The following SLC24A2 variants were observed in gnomAD, a reference collection of about 807,000 sequenced individuals.
SLC24A2 encodes the protein sodium/potassium/calcium exchanger 2.
Under a neutral mutation model 62.0 loss-of-function variants are expected in SLC24A2, and 36 were observed. That is an observed-to-expected ratio of 0.58 (90% confidence interval 0.44 to 0.77). The LOEUF (loss-of-function observed/expected upper bound fraction) is 0.77. Ranked by LOEUF, SLC24A2 falls within the 30% of genes least tolerant of loss-of-function variation. SLC24A2 has a pLI of 0.00. For synonymous variants in SLC24A2, 358 were observed against 294.0 expected, an observed-to-expected ratio of 1.22 and a Z score of -2.23; for missense variants, 846 against 817.9, an observed-to-expected ratio of 1.03 and a Z score of -0.42.
At chr9:19,974,861 G>A in the SLC24A2 span, among the ~76,000 whole-genome samples, 32 of 152,266 alleles carry the variant, frequency 2.1e-4, no homozygotes, top group African/African-American at 4.1e-4. Context: ...ATATTATTTC[G>A]TAGGATGCTT....
chr9:19,826,462 A>G, the SLC24A2 span, among the ~76,000 whole-genome samples: 1 of 152,186 alleles, frequency 6.6e-6, no homozygotes. Flanking sequence ...TGCCACAAAA[A>G]AATACCCAAG....
chr9:20,105,891 A>C, the SLC24A2 span, among the ~76,000 whole-genome samples: 1 of 152,206 alleles, frequency 6.6e-6, no homozygotes, highest in Admixed American at 6.5e-5. Context: ...ATCCTTCAAA[A>C]AATTAATGAA....
the SLC24A2 span, among the ~76,000 whole-genome samples, chr9:20,058,283 G>C: frequency 6.6e-6 from 1 of 152,208 alleles, no homozygotes; most frequent in African/African-American, 2.4e-5. Context: ...CACAAATAAA[G>C]ATGAACCAAC....
intron 2 of SLC24A2, among the ~76,000 whole-genome samples, chr9:19,719,638 T>C (rs1371623516): frequency 6.6e-6 from 1 of 152,350 alleles, no homozygotes; most frequent in East Asian, 1.9e-4. Flanking sequence ...TAGGAATTTA[T>C]GGAAAGTTTC....
chr9:19,688,913 A>G (rs2118448770), intron 2 of SLC24A2, among the ~76,000 whole-genome samples: 1 of 152,240 alleles, frequency 6.6e-6, no homozygotes, highest in African/African-American at 2.4e-5. Flanking sequence ...TGAGTACACA[A>G]TATATATTAC....
At chr9:19,521,451 A>AACTT (rs1320832404) in intron 9 of SLC24A2, among the ~76,000 whole-genome samples, 1 of 152,200 alleles carries the variant, frequency 6.6e-6, no homozygotes, top group Non-Finnish European at 1.5e-5. Context: ...TTTGCCCTTC[A>AACTT]ACTTACTACC....
intron 2 of SLC24A2, among the ~76,000 whole-genome samples, chr9:19,765,334 C>A (rs1378756096): frequency 6.6e-6 from 1 of 152,078 alleles, no homozygotes; most frequent in African/African-American, 2.4e-5. Flanking sequence ...TCTGATCCTG[C>A]CATTATGATG....
At chr9:19,787,867 C>T (rs964877478) in intron 1 of SLC24A2, among the ~76,000 whole-genome samples, 1 of 152,124 alleles carries the variant, frequency 6.6e-6, no homozygotes, top group Non-Finnish European at 1.5e-5. Flanking sequence ...CAAGTTGTAG[C>T]AATACCTCTG....
intron 2 of SLC24A2, among the ~76,000 whole-genome samples, chr9:19,708,374 A>G (rs1587192641): frequency 2.0e-5 from 3 of 152,262 alleles, no homozygotes; most frequent in Non-Finnish European, 4.4e-5. Flanking sequence ...CAAGCTACCA[A>G]TGACTTTCTT....
intron 8 of SLC24A2, among the ~76,000 whole-genome samples, chr9:19,542,324 T>C (rs1237055649): frequency 6.6e-6 from 1 of 152,224 alleles, no homozygotes; most frequent in African/African-American, 2.4e-5. Flanking sequence ...GCTTATCAGC[T>C]TAAGGAGATT....
chr9:20,155,130 G>GAAAAAA, the SLC24A2 span, among the ~76,000 whole-genome samples: 4 of 112,526 alleles, frequency 3.6e-5, no homozygotes, highest in Admixed American at 1.0e-4. Context: ...TGCCCAACTG[G>GAAAAAA]AAAAAAAAAA....
chr9:19,868,631 C>A, the SLC24A2 span, among the ~76,000 whole-genome samples: 1 of 151,960 alleles, frequency 6.6e-6, no homozygotes, highest in African/African-American at 2.4e-5. Context: ...TTTTACTTAA[C>A]GTATTTTGAA....
chr9:20,095,108 G>A, the SLC24A2 span, among the ~76,000 whole-genome samples: 1 of 152,106 alleles, frequency 6.6e-6, no homozygotes, highest in African/African-American at 2.4e-5. Flanking sequence ...GCCAAACAAT[G>A]AAGAGATTTG....
At chr9:20,040,096 T>G in the SLC24A2 span, among the ~76,000 whole-genome samples, 1 of 152,210 alleles carries the variant, frequency 6.6e-6, no homozygotes, top group Non-Finnish European at 1.5e-5. Flanking sequence ...CATGGCACAG[T>G]TCCAAGAACA....
At chr9:19,546,003 C>G (rs564667357) in intron 8 of SLC24A2, among the ~76,000 whole-genome samples, 1 of 152,210 alleles carries the variant, frequency 6.6e-6, no homozygotes, top group East Asian at 1.9e-4. Flanking sequence ...CCACTCCAGA[C>G]CCTGTTTGCC....
At chr9:19,826,753 A>T in the SLC24A2 span, among the ~76,000 whole-genome samples, 3 of 152,258 alleles carry the variant, frequency 2.0e-5, no homozygotes, top group East Asian at 3.9e-4. Flanking sequence ...GAAGGTCCAC[A>T]TCTCAGTACT....
chr9:20,306,749 T>A, the SLC24A2 span, among the ~76,000 whole-genome samples: 12 of 152,346 alleles, frequency 7.9e-5, no homozygotes, highest in South Asian at 2.5e-3. Flanking sequence ...CAGGCTGGAG[T>A]GCAGTGGCGT....
At chr9:20,167,360 G>A in the SLC24A2 span, among the ~76,000 whole-genome samples, 1 of 151,952 alleles carries the variant, frequency 6.6e-6, no homozygotes, top group East Asian at 1.9e-4. Flanking sequence ...TGTTTGTGTT[G>A]TTGGAAGCTG....
chr9:19,755,945 T>C (rs1037309351), intron 2 of SLC24A2, among the ~76,000 whole-genome samples: 25 of 152,204 alleles, frequency 1.6e-4, no homozygotes, highest in African/African-American at 5.1e-4. Flanking sequence ...TATTAATATA[T>C]AGCAGTCATA....
Sources: allele counts gnomAD v4.1 joint callset (sites outside exome capture counted in the v4.1 genomes callset), GRCh38; gene constraint gnomAD v4.1.1; transcripts MANE v1.5; gene names NCBI Gene and HGNC (gene_info 2026-07-23, HGNC 2026-07-21).